Variants in PPP1R7 observed in about 807,000 individuals in gnomAD.
The protein encoded by PPP1R7 is protein phosphatase 1 regulatory subunit 22.
In PPP1R7, 18 loss-of-function variants were observed where a neutral mutation model predicts 45.2. That is an observed-to-expected ratio of 0.40 (90% CI 0.28 to 0.59). PPP1R7 has a LOEUF of 0.59. PPP1R7 is among the 20% of genes least tolerant of loss of function. PPP1R7 has a pLI of 0.46. For synonymous variants in PPP1R7, 181 were observed against 183.4 expected (o/e 0.99, Z 0.11); for missense variants, 314 against 455.8 (o/e 0.69, Z 2.83).
At chr2:241,149,965 A>C, upstream of PPP1R7, 1 of 1,423,188 alleles carries the variant, frequency 7.0e-7, no homozygotes, top group Non-Finnish European at 9.1e-7. Flanking sequence ...GCATGGGTAA[A>C]ATCCGCGCGG....
Position 241,150,469 on chromosome 2 carries a change from A to G in PPP1R7, c.-27A>G, listed in dbSNP as rs750942631. ...TTGGCTGAGGGGTCTGAGGCGACAG[A>G]TTCCGGAAAGGGGAAGAGCAGCCAA... On this transcript the variant is annotated 5_prime_UTR_variant, in exon 1 of 10. Coordinates refer to ENST00000234038, the MANE Select transcript of PPP1R7 (RefSeq NM_002712.3). 6.3e-7 allele frequency: 1 copy of G among 1,576,336 alleles called. No individual in the cohort carries two copies. Among genetic ancestry groups the G allele is most frequent in the African/African-American group, 1.4e-5 (1 of 71,898 alleles).
chr2:241,178,155 A>G (rs904490734), intron 9 of PPP1R7, among the ~76,000 whole-genome samples: 5 of 152,148 alleles, frequency 3.3e-5, no homozygotes, highest in Non-Finnish European at 7.4e-5. Flanking sequence ...GCTCGAGGAG[A>G]GGCTGTGTGC....
In PPP1R7 at chr2:241,166,430, C is replaced by T. The variant is rs1402155560; in HGVS notation, c.808C>T (p.Leu270=). ...CAATGGCATCGAGGTCATCGAGGGCCTGGAGAACAATGTAAGACACCCACT... is the reference window on the plus strand; with the variant it reads ...CAATGGCATCGAGGTCATCGAGGGCTTGGAGAACAATGTAAGACACCCACT... ...SHNGIEVIEG[L]ENNNKLTMLD... is the part of the protein sequence containing the mutation. Residue 270 remains leucine, a synonymous_variant, in exon 8 of 10, where the codon CTG becomes TTG. Transcript: ENST00000234038. The T allele has an allele frequency of 1.2e-6, 2 of 1,613,690 alleles. 1 individual carries two copies. Among genetic ancestry groups the T allele is most frequent in the South Asian group, 2.2e-5 (2 of 91,022 alleles).
intron 7 of PPP1R7, among the ~76,000 whole-genome samples, chr2:241,164,750 TAA>T (rs901685513): frequency 6.6e-6 from 1 of 151,576 alleles, no homozygotes; most frequent in Non-Finnish European, 1.5e-5. Flanking sequence ...ATTAAAAATA[TAA>T]AAAAAAGCTC....
intron 9 of PPP1R7, among the ~76,000 whole-genome samples, chr2:241,180,436 A>C (rs2067982851): frequency 2.0e-5 from 3 of 151,068 alleles, no homozygotes; most frequent in South Asian, 2.1e-4. Flanking sequence ...AAAAATCTCA[A>C]AATGTTTTTA....
intron 1 of PPP1R7, among the ~76,000 whole-genome samples, chr2:241,151,091 TTCC>T (rs1236155154): frequency 1.3e-5 from 2 of 152,246 alleles, no homozygotes; most frequent in African/African-American, 4.8e-5. Context: ...TTCAACTTTC[TTCC>T]TCCTCATTCA....
At chr2:241,169,435 G>A (rs930541590) in intron 8 of PPP1R7, among the ~76,000 whole-genome samples, 2 of 152,222 alleles carry the variant, frequency 1.3e-5, no homozygotes, top group African/African-American at 2.4e-5. Flanking sequence ...TCTTCAGAGC[G>A]TCAGGGGGTT....
At chr2:241,168,647 C>T (rs1413242239) in intron 8 of PPP1R7, among the ~76,000 whole-genome samples, 1 of 152,104 alleles carries the variant, frequency 6.6e-6, no homozygotes, top group African/African-American at 2.4e-5. Context: ...TTTGAAGGCA[C>T]CTCCTAGGCA....
At chr2:241,154,362 C>T (rs1486515488) in intron 2 of PPP1R7, among the ~76,000 whole-genome samples, 1 of 151,904 alleles carries the variant, frequency 6.6e-6, no homozygotes, top group Non-Finnish European at 1.5e-5. Context: ...CTTGCCTTAC[C>T]ATTTTTATAG....
At chr2:241,167,232 A>G (rs1024100989) in intron 8 of PPP1R7, 3 of 624,778 alleles carry the variant, frequency 4.8e-6, no homozygotes, top group Non-Finnish European at 7.8e-6. Context: ...AGATTGGTCT[A>G]TAAACATAGT....
chr2:241,183,263 GCAA>G lies in PPP1R7; in HGVS notation c.*445_*447del, dbSNP rs891219553. 1.7e-5 allele frequency: 7 copies of G among 403,602 alleles called. No homozygotes were observed. The highest frequency in any genetic ancestry group is 3.0e-5 in the Non-Finnish European group (6 of 197,538). The allele number at this position is 403,602 out of a possible 1,614,324, so 25.0% of individuals were successfully genotyped here. On this transcript the variant is annotated 3_prime_UTR_variant, in exon 10 of 10. Transcript: ENST00000234038. ...TGCAGGGTTCAGGCAGTCTTGACCTGCAACAACCGAGGTTTTTTAGTCTTTTAA... is the reference window on the plus strand; with the variant it reads ...TGCAGGGTTCAGGCAGTCTTGACCTGCAACCGAGGTTTTTTAGTCTTTTAA...
chr2:241,180,128 C>G (rs977560313), intron 9 of PPP1R7, among the ~76,000 whole-genome samples: 2 of 152,206 alleles, frequency 1.3e-5, no homozygotes, highest in African/African-American at 4.8e-5. Context: ...GAAGACCTCC[C>G]ACGCCAGAGC....
At chr2:241,151,572 C>A (rs1348149235) in intron 1 of PPP1R7, 3 of 470,954 alleles carry the variant, frequency 6.4e-6, no homozygotes, top group Admixed American at 2.3e-5. Context: ...AGAGTTTGAC[C>A]AAATCGTATG....
intron 9 of PPP1R7, among the ~76,000 whole-genome samples, chr2:241,171,916 C>T (rs1478806848): frequency 1.3e-5 from 2 of 152,276 alleles, no homozygotes; most frequent in African/African-American, 2.4e-5. Context: ...CCTCTTAACC[C>T]ATGCCTTTAT....
Position 241,163,784 on chromosome 2 carries a change from G to C in PPP1R7, c.714+383G>C, listed in dbSNP as rs144891011. Among the ~76,000 whole-genome samples, 208 of 151,902 alleles carry C rather than the reference G, an allele frequency of 1.4e-3. 3 individuals carry two copies. The East Asian group carries it at 0.03, about 22-fold the overall frequency. On this transcript the variant is annotated intron_variant, in intron 7 of 9. Coordinates refer to ENST00000234038, the MANE Select transcript of PPP1R7 (RefSeq NM_002712.3). Reference sequence around the variant, plus strand: ...ACCTTCAGCTAATATTTTGTCAAGGGGGTGAGGAATGGAAGAGATGAGGTC... The same window carrying C: ...ACCTTCAGCTAATATTTTGTCAAGGCGGTGAGGAATGGAAGAGATGAGGTC...
chr2:241,163,172 C>A, intron 6 of PPP1R7, 113 bp from the exon 7 acceptor site: 1 of 681,392 alleles, frequency 1.5e-6, no homozygotes, highest in East Asian at 2.5e-5. Context: ...ACGTCACTAG[C>A]CCCACATCGC....
At chr2:241,164,702 C>G (rs1035227772) in intron 7 of PPP1R7, among the ~76,000 whole-genome samples, 1 of 152,064 alleles carries the variant, frequency 6.6e-6, no homozygotes, top group Non-Finnish European at 1.5e-5. Context: ...AGTTCAAGAC[C>G]AGCCTGGGCA....
chr2:241,160,212 T>C, intron 5 of PPP1R7, 120 bp from the exon 6 acceptor site: 1 of 447,840 alleles, frequency 2.2e-6, no homozygotes. Flanking sequence ...CCCCACCCTC[T>C]CCCACCCGGT....
chr2:241,150,939 C>T (rs2067270979), intron 1 of PPP1R7, among the ~76,000 whole-genome samples: 1 of 152,222 alleles, frequency 6.6e-6, no homozygotes, highest in African/African-American at 2.4e-5. Flanking sequence ...GAGTCTGCTC[C>T]TTGGTTCACG....
Sources: gnomAD v4.1 joint callset for allele counts (sites outside exome capture counted in the v4.1 genomes callset) on GRCh38, gnomAD v4.1.1 for gene constraint, MANE v1.5 for transcripts, NCBI Gene and HGNC (gene_info 2026-07-23, HGNC 2026-07-21) for gene names.